CNTNAP2: variants seen among roughly 807,000 people sequenced by gnomAD.
The protein encoded by CNTNAP2 is contactin associated protein 2.
CNTNAP2 carries 98 observed loss-of-function variants against 155.2 expected under a neutral mutation model. The observed-to-expected ratio is 0.63, with a 90% CI of 0.54 to 0.75. CNTNAP2 has a LOEUF of 0.75. CNTNAP2 is among the 30% of genes least tolerant of loss of function. The pLI is 0.00. For synonymous variants in CNTNAP2, 651 were observed against 631.2 expected (o/e 1.03, Z -0.47); for missense variants, 1,727 against 1,688.1 (o/e 1.02, Z -0.40).
chr7:147,924,055 T>G (rs542133693), intron 14 of CNTNAP2, among the ~76,000 whole-genome samples: 1 of 152,274 alleles, frequency 6.6e-6, no homozygotes, highest in African/African-American at 2.4e-5. Context: ...TAAGCCAGTC[T>G]GATGATGTTG....
rs140931326 is a variant in CNTNAP2, at chr7:146,791,995, A to G, written c.208+17614A>G. Among the ~76,000 whole-genome samples the G allele has an allele frequency of 2.6e-5, 4 of 152,284 alleles. No homozygotes were observed. In the East Asian group the frequency reaches 7.7e-4, roughly 29 times the overall value. On this transcript the variant is annotated intron_variant, in intron 2 of 23. Coordinates refer to ENST00000361727, the MANE Select transcript of CNTNAP2 (RefSeq NM_014141.6). ...AGAAAAAAGTGTGGTTGATTTCTTCAGAAGTGTTATCTGTGTGACCTCATA... is the reference window on the plus strand; with the variant it reads ...AGAAAAAAGTGTGGTTGATTTCTTCGGAAGTGTTATCTGTGTGACCTCATA...
intron 13 of CNTNAP2, among the ~76,000 whole-genome samples, chr7:147,833,714 T>C (rs1011822505): frequency 6.6e-6 from 1 of 152,162 alleles, no homozygotes; most frequent in Non-Finnish European, 1.5e-5. Context: ...ACTGCCCCAA[T>C]ACACACTTCT....
intron 21 of CNTNAP2, among the ~76,000 whole-genome samples, chr7:148,293,595 G>A (rs905139497): frequency 1.3e-5 from 2 of 152,180 alleles, no homozygotes; most frequent in Non-Finnish European, 2.9e-5. Flanking sequence ...TAGCAAGATG[G>A]ATGAGGATTT....
At chr7:146,418,500 AT>A (rs1795967708) in intron 1 of CNTNAP2, among the ~76,000 whole-genome samples, 1 of 152,292 alleles carries the variant, frequency 6.6e-6, no homozygotes, top group South Asian at 2.1e-4. Context: ...ACCTTTTTCT[AT>A]ATATTTTCTA....
chr7:146,481,849 C>T (rs700274), intron 1 of CNTNAP2, among the ~76,000 whole-genome samples: 3 of 152,040 alleles, frequency 2.0e-5, no homozygotes, highest in African/African-American at 7.2e-5. Flanking sequence ...AACAAGTAAG[C>T]TAATTTACTT....
intron 21 of CNTNAP2, among the ~76,000 whole-genome samples, chr7:148,351,043 G>A (rs1395815301): frequency 6.6e-6 from 1 of 152,246 alleles, no homozygotes; most frequent in Non-Finnish European, 1.5e-5. Context: ...TCAGGCTGCT[G>A]CCTTCAGGGG....
chr7:147,857,389 A>ATAT (rs930578829), intron 13 of CNTNAP2, among the ~76,000 whole-genome samples: 1 of 152,338 alleles, frequency 6.6e-6, no homozygotes. Flanking sequence ...AAATATCTAC[A>ATAT]TATTACATGG....
chr7:146,404,111 C>T (rs1408021187), intron 1 of CNTNAP2, among the ~76,000 whole-genome samples: 1 of 115,946 alleles, frequency 8.6e-6, no homozygotes, highest in Non-Finnish European at 1.6e-5. Context: ...GGCGACAGAG[C>T]GAGACTCCGT....
intron 21 of CNTNAP2, among the ~76,000 whole-genome samples, chr7:148,330,740 T>C (rs1157145680): frequency 3.6e-5 from 5 of 138,504 alleles, no homozygotes; most frequent in African/African-American, 1.1e-4. Context: ...GATGGATGGA[T>C]GGATGGATGG....
intron 19 of CNTNAP2, among the ~76,000 whole-genome samples, chr7:148,227,763 T>A (rs1254358825): frequency 6.6e-6 from 1 of 152,214 alleles, no homozygotes. Context: ...TTTGTTGAAT[T>A]TCGTTTAGAA....
intron 1 of CNTNAP2, among the ~76,000 whole-genome samples, chr7:146,661,773 C>T (rs1336009176): frequency 6.8e-6 from 1 of 146,994 alleles, no homozygotes; most frequent in Non-Finnish European, 1.5e-5. Flanking sequence ...CTTCCATGTA[C>T]AGATCATTGT....
chr7:147,036,854 T>G (rs1799159729), intron 3 of CNTNAP2, among the ~76,000 whole-genome samples: 1 of 152,180 alleles, frequency 6.6e-6, no homozygotes, highest in African/African-American at 2.4e-5. Context: ...GTATCTTTTT[T>G]TCCTTTTCAC....
chr7:147,432,565 C>T (rs1332865925), intron 10 of CNTNAP2, among the ~76,000 whole-genome samples: 1 of 152,144 alleles, frequency 6.6e-6, no homozygotes, highest in Non-Finnish European at 1.5e-5. Context: ...ACAAAATTTG[C>T]CCAGCAAAGA....
intron 9 of CNTNAP2, among the ~76,000 whole-genome samples, chr7:147,328,465 G>A (rs1795499948): frequency 6.6e-6 from 1 of 152,170 alleles, no homozygotes; most frequent in Non-Finnish European, 1.5e-5. Flanking sequence ...ACAATGGACG[G>A]TTCCTCAGCC....
At position 148,374,202 on chromosome 7, in the gene CNTNAP2, T is replaced by A. The variant is rs181280625; in HGVS notation, c.3476-9447T>A. Among the ~76,000 whole-genome samples the A allele has an allele frequency of 1.2e-3, 177 of 152,236 alleles. 1 individual carries two copies. The highest frequency in any genetic ancestry group is 1.9e-3 in the Non-Finnish European group (127 of 68,010). Reference sequence around the variant, plus strand: ...CGATCTTAGTCCTCAAAGGATTTTTTTTTCTTCTCTTGGGTAAGATAGCTT... The same window carrying A: ...CGATCTTAGTCCTCAAAGGATTTTTATTTCTTCTCTTGGGTAAGATAGCTT... On this transcript the variant is annotated intron_variant, in intron 21 of 23. Coordinates refer to ENST00000361727, the MANE Select transcript of CNTNAP2 (RefSeq NM_014141.6).
At chr7:148,001,020 G>A (rs1050801716) in intron 15 of CNTNAP2, among the ~76,000 whole-genome samples, 26 of 152,306 alleles carry the variant, frequency 1.7e-4, no homozygotes, top group African/African-American at 6.0e-4. Context: ...GTGTGTTCAA[G>A]TGTCCTTTCT....
At position 146,839,702 on chromosome 7, in the gene CNTNAP2, C is replaced by T; in HGVS notation, c.209-9C>T. On this transcript the variant is annotated splice_polypyrimidine_tract_variant and intron_variant, in intron 2 of 23. Transcript: ENST00000361727. ...TTCATTTTCCCATCTTACCTCTGCC[C>T]ATCTTCAGGTGCTGGGGGATGGTCT... The T allele has an allele frequency of 6.2e-7, 1 of 1,614,096 alleles. No individual in the cohort carries two copies. Among genetic ancestry groups the T allele is most frequent in the Non-Finnish European group, 8.5e-7 (1 of 1,179,964 alleles).
intron 20 of CNTNAP2, among the ~76,000 whole-genome samples, chr7:148,238,518 T>C (rs1796087548): frequency 2.6e-5 from 4 of 152,244 alleles, no homozygotes; most frequent in Admixed American, 6.5e-5. Flanking sequence ...TTATAAACTT[T>C]TGAAATTTTT....
intron 8 of CNTNAP2, among the ~76,000 whole-genome samples, chr7:147,296,093 A>G (rs1186408367): frequency 6.6e-6 from 1 of 152,180 alleles, no homozygotes; most frequent in Non-Finnish European, 1.5e-5. Flanking sequence ...TCTTCCACTT[A>G]GAGTAACCGA....
Sources: gnomAD v4.1 joint callset for allele counts (sites outside exome capture counted in the v4.1 genomes callset) on GRCh38, gnomAD v4.1.1 for gene constraint, MANE v1.5 for transcripts, NCBI Gene and HGNC (gene_info 2026-07-23, HGNC 2026-07-21) for gene names.